PLEKHM3: variants seen among roughly 807,000 people sequenced by gnomAD.
The protein encoded by PLEKHM3 is pleckstrin homology domain-containing family M member 3.
In PLEKHM3, 45 loss-of-function variants were observed where a neutral mutation model predicts 81.8. The ratio of observed to expected loss-of-function variants is 0.55; its 90% CI spans 0.43 to 0.71. The LOEUF is 0.71. Ranked by LOEUF, PLEKHM3 falls within the 30% of genes least tolerant of loss-of-function variation. The probability of loss-of-function intolerance (pLI) is 0.00; values close to 1 mark genes in which losing one functional copy is unlikely to be tolerated. For missense variants in PLEKHM3, 788 were observed against 924.3 expected (o/e 0.85, Z 1.91); for synonymous variants, 352 against 356.4 (o/e 0.99, Z 0.14).
At position 207,976,729 on chromosome 2, in the gene PLEKHM3, C is replaced by T. The variant is rs774044908; in HGVS notation, c.1468G>A (p.Val490Met). The T allele has an allele frequency of 3.1e-6, 5 of 1,614,244 alleles. No individual in the cohort carries two copies. Among genetic ancestry groups the T allele is most frequent in the Non-Finnish European group, 4.2e-6 (5 of 1,180,042 alleles). The change falls in exon 3 of 8, where the codon GTG becomes ATG. Residue 490 changes from valine to methionine, a missense_variant. Coordinates refer to ENST00000427836, the MANE Select transcript of PLEKHM3 (RefSeq NM_001080475.3). This position sits in a 1 kb window ranked among gnomAD's most constrained non-coding sequence, Gnocchi z 4.1. ...HELRKNKRQSVTTSFLSILTT... is the reference protein window; with the variant it reads ...HELRKNKRQSMTTSFLSILTT... ...AAAATGCTCAGGAAGCTGGTAGTCA[C>T]AGATTGGCGTTTGTTCTTCCTGAGT...
chr2:207,840,351 TG>T (rs2092343250), intron 7 of PLEKHM3, among the ~76,000 whole-genome samples: 2 of 151,974 alleles, frequency 1.3e-5, no homozygotes, highest in Non-Finnish European at 2.9e-5. Flanking sequence ...CCACCATGAC[TG>T]GCTAATTAAA....
chr2:207,994,591 C>G (rs907554500), intron 2 of PLEKHM3, among the ~76,000 whole-genome samples: 1 of 152,028 alleles, frequency 6.6e-6, no homozygotes, highest in Non-Finnish European at 1.5e-5. Context: ...CCCAGTCACA[C>G]CCTGCTATAG....
intron 7 of PLEKHM3, among the ~76,000 whole-genome samples, chr2:207,846,425 C>G (rs1196914363): frequency 2.0e-5 from 3 of 152,102 alleles, no homozygotes; most frequent in Non-Finnish European, 4.4e-5. Flanking sequence ...CAGGCGTGAA[C>G]CACTGCGCCT....
intron 6 of PLEKHM3, among the ~76,000 whole-genome samples, chr2:207,876,439 T>C (rs2092560356): frequency 6.6e-6 from 1 of 152,234 alleles, no homozygotes; most frequent in Admixed American, 6.5e-5. Context: ...TAATAATATG[T>C]TTATTTTCAC....
At chr2:208,007,227 C>CA (rs1692523284) in intron 1 of PLEKHM3, among the ~76,000 whole-genome samples, 1 of 152,168 alleles carries the variant, frequency 6.6e-6, no homozygotes, top group African/African-American at 2.4e-5. Flanking sequence ...AAAATAAGAG[C>CA]CAAGGGTGAT....
At chr2:207,847,349 C>T (rs986754575) in intron 7 of PLEKHM3, among the ~76,000 whole-genome samples, 1 of 152,212 alleles carries the variant, frequency 6.6e-6, no homozygotes, top group East Asian at 1.9e-4. Context: ...CCAAGTTACT[C>T]TTTGACTAAA....
At chr2:207,870,850 G>A (rs1427015928) in intron 6 of PLEKHM3, among the ~76,000 whole-genome samples, 1 of 152,238 alleles carries the variant, frequency 6.6e-6, no homozygotes, top group Non-Finnish European at 1.5e-5. Flanking sequence ...GCTGATGCCT[G>A]TAATCCCAGC....
intron 6 of PLEKHM3, among the ~76,000 whole-genome samples, chr2:207,880,753 ACT>A (rs1360255143): frequency 1.4e-5 from 2 of 139,294 alleles, no homozygotes; most frequent in South Asian, 2.2e-4. Context: ...ACACAGCGAG[ACT>A]CTGTCTCAAA....
chr2:207,920,726 T>C (rs1464796729), intron 5 of PLEKHM3, among the ~76,000 whole-genome samples: 2 of 152,132 alleles, frequency 1.3e-5, no homozygotes, highest in South Asian at 2.1e-4. Flanking sequence ...AATGTTTTTA[T>C]TTCTGTTTTG....
At chr2:207,877,526 A>G (rs2092565237) in intron 6 of PLEKHM3, among the ~76,000 whole-genome samples, 1 of 152,158 alleles carries the variant, frequency 6.6e-6, no homozygotes, top group Admixed American at 6.5e-5. Flanking sequence ...AAGAAAAAGG[A>G]TTTTACTTCG....
intron 3 of PLEKHM3, among the ~76,000 whole-genome samples, chr2:207,971,571 A>T (rs1442208828): frequency 6.6e-6 from 1 of 152,214 alleles, no homozygotes; most frequent in South Asian, 2.1e-4. Context: ...AACTAAAAAA[A>T]AAAAAAGAGC....
At chr2:208,022,869 G>A (rs868047119) in intron 1 of PLEKHM3, among the ~76,000 whole-genome samples, 1 of 152,128 alleles carries the variant, frequency 6.6e-6, no homozygotes, top group Non-Finnish European at 1.5e-5. Context: ...AATTTTAGTA[G>A]AGAGACATTT....
Position 207,861,230 on chromosome 2 carries a change from G to A in PLEKHM3, c.1983C>T (p.Gly661=). The A allele has an allele frequency of 6.2e-7, 1 of 1,614,054 alleles. No individual in the cohort carries two copies. The highest frequency in any genetic ancestry group is 1.3e-5 in the African/African-American group (1 of 75,028). The change falls in exon 7 of 8, where the codon GGC becomes GGT. Residue 661 remains glycine (G), a synonymous_variant. Transcript: ENST00000427836. The part of the protein sequence containing the change: ...VIEGKLAPFL[G]KVIKFATSHV... ...GTGAGGTGGCAAATTTAATGACCTT[G>A]CCCAAGAATGGAGCCAGCTTTCCCT...
At chr2:208,009,242 C>T (rs1400881033) in intron 1 of PLEKHM3, among the ~76,000 whole-genome samples, 1 of 152,176 alleles carries the variant, frequency 6.6e-6, no homozygotes, top group African/African-American at 2.4e-5. Flanking sequence ...TATTGCTTTT[C>T]CAGTTATTTC....
chr2:208,005,067 C>T (rs950291467), intron 1 of PLEKHM3, among the ~76,000 whole-genome samples: 11 of 151,870 alleles, frequency 7.2e-5, no homozygotes, highest in Admixed American at 5.9e-4. Context: ...TCTGGTGATC[C>T]GCCCACCTTG....
chr2:207,853,277 T>C (rs2092422048), intron 7 of PLEKHM3, among the ~76,000 whole-genome samples: 1 of 151,194 alleles, frequency 6.6e-6, no homozygotes, highest in African/African-American at 2.4e-5. Flanking sequence ...ATTAGCCGAG[T>C]GTCTTGGCAC....
intron 2 of PLEKHM3, among the ~76,000 whole-genome samples, chr2:207,988,375 T>A (rs1691793956): frequency 6.6e-6 from 1 of 152,206 alleles, no homozygotes. Flanking sequence ...CTCAGTTTCC[T>A]CATCTTTAAA....
chr2:207,893,694 A>C (rs1399994182), intron 6 of PLEKHM3, among the ~76,000 whole-genome samples: 2 of 152,156 alleles, frequency 1.3e-5, no homozygotes, highest in Admixed American at 1.3e-4. Flanking sequence ...AGAAAGAGAG[A>C]AGCTCTCTCT....
rs1214562692 is a variant in PLEKHM3 at position 207,843,349 on chromosome 2, T to A, written c.2109-14853A>T. 2.6e-5 allele frequency among the ~76,000 whole-genome samples: 4 copies of A among 152,128 alleles called. No homozygotes were observed. The highest frequency in any genetic ancestry group is 6.5e-5 in the Admixed American group (1 of 15,272). On this transcript the variant is annotated intron_variant, in intron 7 of 7. Coordinates refer to ENST00000427836, the MANE Select transcript of PLEKHM3 (RefSeq NM_001080475.3). The surrounding 1 kb of genome is among the most constrained non-coding windows in gnomAD (Gnocchi z 4.4). Reference sequence around the variant, plus strand: ...GAGAAAAAGTGAGGTAACAAACTAATGGGAGGGTTAGCCTGGGAGAAGGAG... The same window carrying A: ...GAGAAAAAGTGAGGTAACAAACTAAAGGGAGGGTTAGCCTGGGAGAAGGAG...
Sources: gnomAD v4.1 joint callset for allele counts (sites outside exome capture counted in the v4.1 genomes callset) on GRCh38, gnomAD v4.1.1 for gene constraint, Gnocchi (gnomAD v3.1) non-coding constraint, MANE v1.5 for transcripts, NCBI Gene and HGNC (gene_info 2026-07-23, HGNC 2026-07-21) for gene names.